WWOX: variants seen among roughly 807,000 people sequenced by gnomAD.
WWOX encodes the protein WW domain containing oxidoreductase, also known as WW domain-containing oxidoreductase.
In WWOX, 69 loss-of-function variants were observed where a neutral mutation model predicts 46.2. That is an observed-to-expected ratio of 1.49 (90% CI 1.23 to 1.82). The LOEUF (loss-of-function observed/expected upper bound fraction) is 1.82, where lower values mean the gene tolerates loss of function less well. Among genes scored for constraint, WWOX ranks in the 40% most tolerant of loss-of-function variants. The pLI, the probability that WWOX is intolerant of heterozygous loss-of-function variation, is 0.00. For synonymous variants in WWOX, 359 were observed against 202.6 expected, an observed-to-expected ratio of 1.77 and a Z score of -6.56; for missense variants, 919 against 542.6, an observed-to-expected ratio of 1.69 and a Z score of -6.89.
intron 8 of WWOX, among the ~76,000 whole-genome samples, chr16:78,750,039 G>T (rs377385206): frequency 5.9e-5 from 9 of 152,226 alleles, no homozygotes; most frequent in African/African-American, 2.2e-4. Flanking sequence ...CTCTATCAGG[G>T]AAAAATAGGA....
chr16:78,842,732 G>A (rs1161656645), intron 8 of WWOX, among the ~76,000 whole-genome samples: 1 of 152,088 alleles, frequency 6.6e-6, no homozygotes, highest in African/African-American at 2.4e-5. Flanking sequence ...CACACCTGTA[G>A]CCGCAGCTAC....
intron 8 of WWOX, among the ~76,000 whole-genome samples, chr16:79,018,737 A>G (rs999585924): frequency 6.6e-6 from 1 of 152,188 alleles, no homozygotes; most frequent in Non-Finnish European, 1.5e-5. Context: ...GCCATAAACC[A>G]GGGTCTTTCC....
intron 5 of WWOX, among the ~76,000 whole-genome samples, chr16:78,325,186 G>A (rs555793557): frequency 3.9e-5 from 6 of 152,268 alleles, no homozygotes; most frequent in East Asian, 1.9e-4. Flanking sequence ...ATCCTTTTCC[G>A]TCACCATGCA....
At chr16:78,983,777 C>G (rs960094280) in intron 8 of WWOX, among the ~76,000 whole-genome samples, 4 of 150,546 alleles carry the variant, frequency 2.7e-5, no homozygotes, top group African/African-American at 9.7e-5. Flanking sequence ...ACCCCTGTGA[C>G]TTTGAGACAT....
At chr16:78,518,787 C>G (rs2043290390) in intron 8 of WWOX, among the ~76,000 whole-genome samples, 1 of 152,186 alleles carries the variant, frequency 6.6e-6, no homozygotes, top group African/African-American at 2.4e-5. Flanking sequence ...GGCTTCAAGA[C>G]AGGGATTTCC....
chr16:78,246,255 A>G (rs905272394), intron 5 of WWOX, among the ~76,000 whole-genome samples: 2 of 152,218 alleles, frequency 1.3e-5, no homozygotes, highest in African/African-American at 4.8e-5. Flanking sequence ...TAAATCATGT[A>G]CCGTGAAACC....
chr16:78,940,067 A>G (rs1567663468), intron 8 of WWOX, among the ~76,000 whole-genome samples: 1 of 152,212 alleles, frequency 6.6e-6, no homozygotes. Context: ...TCATCCCATT[A>G]TACAAAAATG....
chr16:78,702,900 A>T (rs979073225), intron 8 of WWOX, among the ~76,000 whole-genome samples: 1 of 152,172 alleles, frequency 6.6e-6, no homozygotes, highest in Non-Finnish European at 1.5e-5. Flanking sequence ...GGGGGATTAT[A>T]TAGGAGCTTC....
intron 8 of WWOX, among the ~76,000 whole-genome samples, chr16:78,712,918 T>C (rs190695001): frequency 2.6e-5 from 4 of 152,210 alleles, no homozygotes; most frequent in Admixed American, 2.0e-4. Context: ...AAATTTTTCA[T>C]AAGAAAATAT....
chr16:78,912,560 C>T (rs891362989), intron 8 of WWOX, among the ~76,000 whole-genome samples: 1 of 152,022 alleles, frequency 6.6e-6, no homozygotes, highest in Non-Finnish European at 1.5e-5. Context: ...GAGACAAAAC[C>T]AGCAGGGTTA....
intron 5 of WWOX, among the ~76,000 whole-genome samples, chr16:78,230,925 A>C (rs2151807692): frequency 6.6e-6 from 1 of 152,368 alleles, no homozygotes; most frequent in Admixed American, 6.5e-5. Context: ...AGTATTCTTA[A>C]GAAACTCCCA....
At chr16:78,460,546 A>G (rs1462779064) in intron 8 of WWOX, among the ~76,000 whole-genome samples, 1 of 152,164 alleles carries the variant, frequency 6.6e-6, no homozygotes, top group Non-Finnish European at 1.5e-5. Context: ...TACCAACACC[A>G]TACTAGCTCT....
chr16:78,154,971 T>C (rs77533819), intron 4 of WWOX, among the ~76,000 whole-genome samples: 11,199 of 152,140 alleles, frequency 0.074, 512 homozygotes, highest in East Asian at 0.25. Context: ...CGGGTGATGA[T>C]CATGGTCAAC....
At chr16:79,169,887 C>T (rs1276670502) in intron 8 of WWOX, among the ~76,000 whole-genome samples, 4 of 152,046 alleles carry the variant, frequency 2.6e-5, no homozygotes, top group African/African-American at 4.8e-5. Flanking sequence ...CTTGATGGGC[C>T]CAGAAATCAA....
At chr16:78,242,044 C>T (rs1183914155) in intron 5 of WWOX, among the ~76,000 whole-genome samples, 2 of 152,186 alleles carry the variant, frequency 1.3e-5, no homozygotes, top group Non-Finnish European at 1.5e-5. Context: ...AAATACAGCT[C>T]TCCTAATAGA....
intron 5 of WWOX, among the ~76,000 whole-genome samples, chr16:78,266,573 G>C (rs532592461): frequency 6.6e-6 from 1 of 152,304 alleles, no homozygotes; most frequent in Non-Finnish European, 1.5e-5. Flanking sequence ...TAGCCTGCTT[G>C]AGTCTAGTCT....
intron 8 of WWOX, chr16:78,898,944 C>A (rs535820611): frequency 6.6e-6 from 1 of 152,058 alleles, no homozygotes; most frequent in Non-Finnish European, 1.5e-5. Context: ...ACAGTTGATT[C>A]TAGCAAACTG....
chr16:78,936,130 C>T (rs1236730156), intron 8 of WWOX, among the ~76,000 whole-genome samples: 1 of 152,000 alleles, frequency 6.6e-6, no homozygotes, highest in African/African-American at 2.4e-5. Flanking sequence ...GAGTTTTGGT[C>T]TGGGAACCGG....
intron 8 of WWOX, among the ~76,000 whole-genome samples, chr16:79,126,449 T>G (rs928492664): frequency 1.3e-5 from 2 of 152,014 alleles, no homozygotes; most frequent in African/African-American, 4.8e-5. Flanking sequence ...AGTGAGTGAG[T>G]TGTCATGAGA....
Sources: allele counts gnomAD v4.1 joint callset (sites outside exome capture counted in the v4.1 genomes callset), GRCh38; gene constraint gnomAD v4.1.1; transcripts MANE v1.5; gene names NCBI Gene and HGNC (gene_info 2026-07-23, HGNC 2026-07-21).